FBXO16: variants seen among roughly 807,000 people sequenced by gnomAD.
FBXO16 encodes F-box only protein 16.
A neutral mutation model predicts 41.0 loss-of-function variants in FBXO16; 31 were observed. The ratio of observed to expected loss-of-function variants is 0.76; its 90% CI spans 0.57 to 1.02. The LOEUF is 1.02. FBXO16 is among the 50% of genes least tolerant of loss of function. The probability of loss-of-function intolerance (pLI) is 0.00; values close to 1 mark genes in which losing one functional copy is unlikely to be tolerated. For missense variants in FBXO16, 361 were observed against 346.2 expected, an observed-to-expected ratio of 1.04 and a Z score of -0.34; for synonymous variants, 133 against 117.8, an observed-to-expected ratio of 1.13 and a Z score of -0.84.
intron 5 of FBXO16, among the ~76,000 whole-genome samples, chr8:28,454,000 C>T (rs982637078): frequency 5.9e-5 from 9 of 151,810 alleles, no homozygotes; most frequent in East Asian, 3.9e-4. Flanking sequence ...CCCGTCTCTA[C>T]GGAAAATACA....
At chr8:28,434,003 G>C (rs367791303) in intron 7 of FBXO16, among the ~76,000 whole-genome samples, 2 of 141,008 alleles carry the variant, frequency 1.4e-5, no homozygotes, top group East Asian at 4.1e-4. Flanking sequence ...CTCTGGTGCC[G>C]AGGCTGGAGT....
At chr8:28,485,323 C>A (rs553277511) in intron 1 of FBXO16, among the ~76,000 whole-genome samples, 27 of 152,252 alleles carry the variant, frequency 1.8e-4, no homozygotes, top group African/African-American at 6.5e-4. Context: ...CAGGCACCTG[C>A]CACCACGACT....
intron 5 of FBXO16, chr8:28,456,010 C>A (rs1803032662): frequency 6.6e-6 from 1 of 152,032 alleles, no homozygotes; most frequent in Non-Finnish European, 1.5e-5. Context: ...TTAAAAAAAT[C>A]ATTTTAAAAA....
intron 6 of FBXO16, among the ~76,000 whole-genome samples, chr8:28,450,924 T>C (rs1802941896): frequency 6.6e-6 from 1 of 152,180 alleles, no homozygotes; most frequent in Non-Finnish European, 1.5e-5. Context: ...GACCCCGTTC[T>C]ACAAAAAATA....
At chr8:28,455,835 T>C (rs1255946542) in intron 5 of FBXO16, 1 of 152,208 alleles carries the variant, frequency 6.6e-6, no homozygotes, top group Admixed American at 6.5e-5. Context: ...TTATGCATAG[T>C]TTATTACTGT....
chr8:28,484,732 C>T (rs1307286382), intron 1 of FBXO16, among the ~76,000 whole-genome samples: 3 of 151,912 alleles, frequency 2.0e-5, no homozygotes, highest in Middle Eastern at 3.4e-3. Flanking sequence ...GCTGGGACTA[C>T]AGGCGCCCGC....
chr8:28,440,062 A>G (rs1266542939), intron 7 of FBXO16, among the ~76,000 whole-genome samples: 1 of 151,196 alleles, frequency 6.6e-6, no homozygotes, highest in Non-Finnish European at 1.5e-5. Flanking sequence ...GAATGCTTAG[A>G]AACCCATGGG....
At chr8:28,452,707 A>T (rs1169933176) in intron 5 of FBXO16, among the ~76,000 whole-genome samples, 1 of 152,118 alleles carries the variant, frequency 6.6e-6, no homozygotes, top group South Asian at 2.1e-4. Flanking sequence ...AGGCTGAGGC[A>T]GGAGAATCAC....
At chr8:28,481,939 G>A (rs1803519852) in intron 2 of FBXO16, among the ~76,000 whole-genome samples, 1 of 152,196 alleles carries the variant, frequency 6.6e-6, no homozygotes, top group Admixed American at 6.5e-5. Context: ...ACAGCAGGCT[G>A]ACTTACTGCT....
intron 4 of FBXO16, among the ~76,000 whole-genome samples, chr8:28,458,544 C>CTTTTTTTT (rs34617439): frequency 3.4e-4 from 30 of 87,602 alleles, no homozygotes; most frequent in African/African-American, 4.4e-4. Flanking sequence ...TCTTCTTCTT[C>CTTTTTTTT]TTTTTTTTTT....
chr8:28,468,175 T>C (rs571966295), intron 3 of FBXO16, among the ~76,000 whole-genome samples: 5 of 152,296 alleles, frequency 3.3e-5, no homozygotes, highest in East Asian at 1.9e-4. Context: ...ATGTATGAGA[T>C]TGGGGGACCG....
intron 7 of FBXO16, among the ~76,000 whole-genome samples, chr8:28,433,094 A>AT (rs2130075474): frequency 7.6e-6 from 1 of 131,816 alleles, no homozygotes; most frequent in South Asian, 2.1e-4. Flanking sequence ...ACAAACAAAC[A>AT]AACAAAACAT....
At chr8:28,429,967 T>C (rs937281067) in intron 7 of FBXO16, among the ~76,000 whole-genome samples, 1 of 152,256 alleles carries the variant, frequency 6.6e-6, no homozygotes, top group Non-Finnish European at 1.5e-5. Context: ...TTGACTTCTC[T>C]GGCTTTGTGT....
intron 5 of FBXO16, among the ~76,000 whole-genome samples, chr8:28,453,150 A>G (rs1230702072): frequency 6.6e-6 from 1 of 152,192 alleles, no homozygotes; most frequent in Non-Finnish European, 1.5e-5. Flanking sequence ...TCCATTTTGC[A>G]GAAGAGGAAA....
At chr8:28,474,832 T>C (rs1803399078) in intron 2 of FBXO16, among the ~76,000 whole-genome samples, 1 of 152,194 alleles carries the variant, frequency 6.6e-6, no homozygotes, top group Non-Finnish European at 1.5e-5. Context: ...AAGAATGTGA[T>C]TGTGAGAATG....
rs779880602 is a variant in FBXO16, at chr8:28,483,336, C to T, written c.99+12G>A. The T allele has an allele frequency of 1.9e-6, 3 of 1,594,408 alleles. No individual in the cohort carries two copies. Among genetic ancestry groups the T allele is most frequent in the African/African-American group, 2.7e-5 (2 of 73,738 alleles). On this transcript the variant is annotated intron_variant, in intron 2 of 8. Coordinates refer to ENST00000380254, the MANE Select transcript of FBXO16 (RefSeq NM_172366.4). ...CATGGATTCAATTGTTAAAATAGTT[C>T]TGGTCACTTACCCGGTCATTCAATA...
At chr8:28,466,607 C>T (rs1349928837) in intron 3 of FBXO16, among the ~76,000 whole-genome samples, 7 of 148,414 alleles carry the variant, frequency 4.7e-5, no homozygotes, top group Non-Finnish European at 1.0e-4. Flanking sequence ...CTGGCTGACA[C>T]GGTGAAAACC....
intron 5 of FBXO16, among the ~76,000 whole-genome samples, chr8:28,456,138 T>G (rs1803034593): frequency 6.6e-6 from 1 of 152,174 alleles, no homozygotes. Context: ...ATAAATTATC[T>G]CATTAGCTGG....
At chr8:28,440,578 G>C (rs550424564) in intron 7 of FBXO16, among the ~76,000 whole-genome samples, 3 of 151,934 alleles carry the variant, frequency 2.0e-5, no homozygotes, top group Non-Finnish European at 4.4e-5. Flanking sequence ...CACCCCTTTT[G>C]AGTGAAGGAA....
Sources: gnomAD v4.1 joint callset for allele counts (sites outside exome capture counted in the v4.1 genomes callset) on GRCh38, gnomAD v4.1.1 for gene constraint, MANE v1.5 for transcripts, NCBI Gene and HGNC (gene_info 2026-07-23, HGNC 2026-07-21) for gene names.